The following ADAD1 variants were observed in gnomAD, a reference collection of about 807,000 sequenced individuals.
The protein encoded by ADAD1 is adenosine deaminase domain-containing protein 1.
In ADAD1, 46 loss-of-function variants were observed where a neutral mutation model predicts 66.8. That is an observed-to-expected ratio of 0.69 (90% CI 0.54 to 0.88). The LOEUF (loss-of-function observed/expected upper bound fraction) is 0.88, where lower values mean the gene tolerates loss of function less well. ADAD1 is among the 40% of genes least tolerant of loss of function. The pLI is 0.00. For missense variants in ADAD1, 617 were observed against 681.8 expected (o/e 0.91, Z 1.06); for synonymous variants, 248 against 229.4 (o/e 1.08, Z -0.73).
chr4:122,403,877 T>G (rs1348481769), intron 7 of ADAD1, among the ~76,000 whole-genome samples: 1 of 152,076 alleles, frequency 6.6e-6, no homozygotes, highest in African/African-American at 2.4e-5. Context: ...GCAGGATGCT[T>G]CTCAGTCCAA....
Position 122,379,016 on chromosome 4 carries a change from C to T in ADAD1, c.-182C>T, listed in dbSNP as rs1442650651. 6.6e-6 allele frequency: 1 copy of T among 152,298 alleles called. No individual in the cohort carries two copies. The highest frequency in any genetic ancestry group is 1.5e-5 in the Non-Finnish European group (1 of 68,032). 9.4% of individuals were successfully genotyped at this position (152,298 alleles called of 1,614,324 possible). On this transcript the variant is annotated 5_prime_UTR_variant, in exon 1 of 13. Coordinates refer to ENST00000296513, the MANE Select transcript of ADAD1 (RefSeq NM_139243.4). ...ACGTGTGAGGTAGTTTTTCTGTAAA[C>T]AGGAAGGCCACAGTGGAGGCCAAGC...
At chr4:122,385,073 A>G (rs1795099895) in intron 5 of ADAD1, among the ~76,000 whole-genome samples, 1 of 152,130 alleles carries the variant, frequency 6.6e-6, no homozygotes. Context: ...TTAAATATCT[A>G]TTTGTGTTAT....
At chr4:122,427,170 T>G (rs926200644) in intron 12 of ADAD1, among the ~76,000 whole-genome samples, 1 of 152,196 alleles carries the variant, frequency 6.6e-6, no homozygotes, top group African/African-American at 2.4e-5. Context: ...AAAAATAAAT[T>G]GTTTATATAC....
In ADAD1 at chr4:122,412,998, A is replaced by C. The variant is rs1796536671; in HGVS notation, c.1249+189A>C. ...TTATCAGGGAGAATGAATGAATCCC[A>C]AAGGTGGGAGGCAGAGGTTGTGGGA... is the stretch of plus-strand genomic sequence containing the variant. On this transcript the variant is annotated intron_variant, in intron 10 of 12. Transcript: ENST00000296513. Among the ~76,000 whole-genome samples, 4 of 152,260 alleles carry C rather than the reference A, an allele frequency of 2.6e-5. No homozygotes were observed. In the East Asian group the frequency reaches 7.7e-4, roughly 29 times the overall value.
intron 4 of ADAD1, among the ~76,000 whole-genome samples, chr4:122,382,522 C>T (rs1388067402): frequency 2.0e-5 from 3 of 151,980 alleles, no homozygotes; most frequent in African/African-American, 7.2e-5. Context: ...AGTGGTGATC[C>T]TCCCACCCCA....
intron 10 of ADAD1, 107 bp downstream of exon 10, chr4:122,412,916 T>C: frequency 2.3e-6 from 2 of 886,730 alleles, no homozygotes; most frequent in Non-Finnish European, 3.5e-6. Context: ...CGTGAAACTT[T>C]ATTTAAGGTC....
chr4:122,421,202 A>G, intron 11 of ADAD1, 59 bp from the exon 12 acceptor site: 1 of 1,350,546 alleles, frequency 7.4e-7, no homozygotes, highest in Non-Finnish European at 1.0e-6. Flanking sequence ...TAATCTATAC[A>G]ATTGCCAACA....
At chr4:122,384,285 T>G (rs1795052178) in intron 5 of ADAD1, among the ~76,000 whole-genome samples, 1 of 152,232 alleles carries the variant, frequency 6.6e-6, no homozygotes, top group East Asian at 1.9e-4. Context: ...ACTGTACATT[T>G]AATACTTAGA....
intron 12 of ADAD1, among the ~76,000 whole-genome samples, chr4:122,423,945 T>C (rs1797119544): frequency 6.6e-6 from 1 of 152,280 alleles, no homozygotes; most frequent in Non-Finnish European, 1.5e-5. Flanking sequence ...CACAAATTAT[T>C]GAATATACTG....
At chr4:122,396,874 A>C (rs1795743694) in intron 7 of ADAD1, among the ~76,000 whole-genome samples, 1 of 152,194 alleles carries the variant, frequency 6.6e-6, no homozygotes, top group South Asian at 2.1e-4. Flanking sequence ...TCCTATTCTT[A>C]AGGAGTTGTT....
chr4:122,396,194 A>G (rs1307107123), intron 6 of ADAD1, 58 bp from the exon 7 acceptor site: 3 of 1,380,586 alleles, frequency 2.2e-6, no homozygotes, highest in Non-Finnish European at 2.9e-6. Flanking sequence ...TAAGAATAAT[A>G]AGACAGCTCT....
At chr4:122,421,055 C>T (rs1055977125) in intron 11 of ADAD1, among the ~76,000 whole-genome samples, 1 of 151,478 alleles carries the variant, frequency 6.6e-6, no homozygotes, top group African/African-American at 2.4e-5. Flanking sequence ...ATTTTTGATG[C>T]AATACTAAAT....
chr4:122,387,749 T>TG (rs1795242252), intron 5 of ADAD1, among the ~76,000 whole-genome samples: 2 of 150,010 alleles, frequency 1.3e-5, no homozygotes, highest in South Asian at 4.2e-4. Flanking sequence ...AGGTTTTTTT[T>TG]TTTTGTTTTT....
chr4:122,416,747 AAAAG>A (rs1158843910), intron 11 of ADAD1, among the ~76,000 whole-genome samples: 2 of 152,078 alleles, frequency 1.3e-5, no homozygotes, highest in African/African-American at 2.4e-5. Flanking sequence ...AGGGAAAAAA[AAAAG>A]AAAAAAACAG....
chr4:122,423,293 T>C (rs1797090683), intron 12 of ADAD1, among the ~76,000 whole-genome samples: 1 of 152,212 alleles, frequency 6.6e-6, no homozygotes, highest in Non-Finnish European at 1.5e-5. Flanking sequence ...GTTGCCATCC[T>C]GGTTGGAGGC....
intron 6 of ADAD1, among the ~76,000 whole-genome samples, chr4:122,394,526 G>T (rs1179871447): frequency 1.3e-5 from 2 of 152,156 alleles, no homozygotes; most frequent in Admixed American, 6.5e-5. Context: ...AAAAGGCCTT[G>T]CACATTTGTG....
intron 5 of ADAD1, among the ~76,000 whole-genome samples, chr4:122,385,361 C>G (rs551528253): frequency 3.9e-5 from 6 of 152,142 alleles, no homozygotes; most frequent in African/African-American, 1.4e-4. Flanking sequence ...CAACCTCCCC[C>G]TCCCGGGTTC....
At chr4:122,425,417 G>C (rs1282054081) in intron 12 of ADAD1, among the ~76,000 whole-genome samples, 1 of 151,962 alleles carries the variant, frequency 6.6e-6, no homozygotes, top group African/African-American at 2.4e-5. Context: ...AAGTTAACTT[G>C]CCTCTGAATA....
intron 10 of ADAD1, among the ~76,000 whole-genome samples, chr4:122,413,347 T>C (rs1796558268): frequency 6.6e-6 from 1 of 152,168 alleles, no homozygotes. Flanking sequence ...GGTGGAATTT[T>C]TAAATTTAAA....
Sources: gnomAD v4.1 joint callset for allele counts (sites outside exome capture counted in the v4.1 genomes callset) on GRCh38, gnomAD v4.1.1 for gene constraint, MANE v1.5 for transcripts, NCBI Gene and HGNC (gene_info 2026-07-23, HGNC 2026-07-21) for gene names.